Variants in RAD51B observed in about 807,000 individuals in gnomAD.
RAD51B encodes the protein DNA repair protein RAD51 homolog 2.
In RAD51B, 38 loss-of-function variants were observed where a neutral mutation model predicts 42.2. The observed-to-expected ratio is 0.90, with a 90% CI of 0.70 to 1.18. RAD51B has a LOEUF of 1.18. Ranked by LOEUF, RAD51B falls within the 50% of genes most tolerant of loss-of-function variation. The probability of loss-of-function intolerance (pLI) is 0.00; values close to 1 mark genes in which losing one functional copy is unlikely to be tolerated. For synonymous variants in RAD51B, 154 were observed against 145.2 expected, an observed-to-expected ratio of 1.06 and a Z score of -0.43; for missense variants, 373 against 400.7, an observed-to-expected ratio of 0.93 and a Z score of 0.59.
intron 5 of RAD51B, among the ~76,000 whole-genome samples, chr14:67,882,987 C>T (rs1251416360): frequency 5.3e-5 from 8 of 152,210 alleles, no homozygotes; most frequent in African/African-American, 1.7e-4. Flanking sequence ...TCAGGTGATC[C>T]GCCTGCCTTG....
intron 8 of RAD51B, among the ~76,000 whole-genome samples, chr14:68,318,019 C>T (rs1000350650): frequency 1.3e-5 from 2 of 152,350 alleles, no homozygotes; most frequent in Non-Finnish European, 2.9e-5. Context: ...ATTAATTTCA[C>T]TCTGTCTGTT....
chr14:67,963,852 C>G (rs2074716244), intron 7 of RAD51B, among the ~76,000 whole-genome samples: 1 of 150,888 alleles, frequency 6.6e-6, no homozygotes, highest in Admixed American at 6.6e-5. Context: ...TTTTGAGTGA[C>G]TTTTTCATGT....
intron 7 of RAD51B, among the ~76,000 whole-genome samples, chr14:67,942,424 A>G (rs1046204759): frequency 6.6e-6 from 1 of 152,218 alleles, no homozygotes; most frequent in Non-Finnish European, 1.5e-5. Context: ...GACTTCAGCT[A>G]GAGAGAGGTT....
intron 10 of RAD51B, among the ~76,000 whole-genome samples, chr14:68,485,086 C>G (rs1883519645): frequency 6.6e-6 from 1 of 152,170 alleles, no homozygotes. Flanking sequence ...ACATAGCTGC[C>G]CAAGCAGCAG....
intron 7 of RAD51B, among the ~76,000 whole-genome samples, chr14:67,995,581 T>C (rs1002964286): frequency 6.6e-6 from 1 of 152,044 alleles, no homozygotes. Context: ...CTGAATACTA[T>C]TGGAGACCAA....
intron 7 of RAD51B, among the ~76,000 whole-genome samples, chr14:68,098,404 A>G (rs1019266326): frequency 1.3e-5 from 2 of 152,230 alleles, no homozygotes; most frequent in Non-Finnish European, 2.9e-5. Context: ...GGGTAGCATT[A>G]TGTGTATATT....
intron 10 of RAD51B, among the ~76,000 whole-genome samples, chr14:68,590,463 G>T (rs1184985582): frequency 1.3e-5 from 2 of 152,242 alleles, no homozygotes; most frequent in Non-Finnish European, 2.9e-5. Context: ...GCAGCGTTGG[G>T]GGTTGCCTGT....
At chr14:67,938,808 G>T (rs2045052045) in intron 7 of RAD51B, among the ~76,000 whole-genome samples, 1 of 152,118 alleles carries the variant, frequency 6.6e-6, no homozygotes, top group African/African-American at 2.4e-5. Flanking sequence ...TTGAGAAAAT[G>T]GTCTCACTTG....
intron 7 of RAD51B, among the ~76,000 whole-genome samples, chr14:67,975,787 C>T (rs1348203042): frequency 6.6e-6 from 1 of 152,220 alleles, no homozygotes; most frequent in African/African-American, 2.4e-5. Flanking sequence ...AGTCTGTTTA[C>T]ACATCCTTTT....
intron 10 of RAD51B, among the ~76,000 whole-genome samples, chr14:68,630,244 GTGTT>G (rs1441678509): frequency 6.6e-6 from 1 of 152,134 alleles, no homozygotes; most frequent in Non-Finnish European, 1.5e-5. Context: ...GAAATCCTGG[GTGTT>G]TGTTTCCAGG....
intron 7 of RAD51B, among the ~76,000 whole-genome samples, chr14:68,206,413 G>A (rs1399010548): frequency 2.6e-5 from 4 of 152,100 alleles, no homozygotes; most frequent in African/African-American, 7.2e-5. Flanking sequence ...GATGATTCTT[G>A]TATAGTCCAA....
chr14:68,586,018 C>CT (rs1438430075), intron 10 of RAD51B, among the ~76,000 whole-genome samples: 2 of 152,182 alleles, frequency 1.3e-5, no homozygotes, highest in African/African-American at 2.4e-5. Flanking sequence ...GCACGTTACG[C>CT]TTTGCGTTTC....
At chr14:68,246,298 G>C (rs1020421411) in intron 7 of RAD51B, among the ~76,000 whole-genome samples, 4 of 151,428 alleles carry the variant, frequency 2.6e-5, no homozygotes, top group African/African-American at 9.7e-5. Flanking sequence ...TTATTGGAAA[G>C]CCTTGAAAAA....
At chr14:68,455,038 A>G (rs1220562714) in intron 9 of RAD51B, among the ~76,000 whole-genome samples, 1 of 149,936 alleles carries the variant, frequency 6.7e-6, no homozygotes, top group Non-Finnish European at 1.5e-5. Flanking sequence ...TTGATGGAGT[A>G]TTGAATGCAT....
At chr14:68,643,073 G>GATTTCTATTAAATTTAGTTGATT (rs1892495285) in intron 10 of RAD51B, among the ~76,000 whole-genome samples, 1 of 92,432 alleles carries the variant, frequency 1.1e-5, no homozygotes. Context: ...TGTTGTTGCC[G>GATTTCTATTAAATTTAGTTGATT]GCTGGATCTG....
chr14:68,159,963 A>G (rs1231875793), intron 7 of RAD51B, among the ~76,000 whole-genome samples: 1 of 152,140 alleles, frequency 6.6e-6, no homozygotes, highest in African/African-American at 2.4e-5. Context: ...CTGCTACCCT[A>G]TACCCACAAC....
chr14:68,157,835 T>C (rs1407780295), intron 7 of RAD51B, among the ~76,000 whole-genome samples: 1 of 152,222 alleles, frequency 6.6e-6, no homozygotes, highest in Non-Finnish European at 1.5e-5. Flanking sequence ...AGTCAGGCAT[T>C]GGGTAGCTCG....
chr14:68,015,538 A>G (rs947591432), intron 7 of RAD51B, among the ~76,000 whole-genome samples: 1 of 152,312 alleles, frequency 6.6e-6, no homozygotes, highest in Admixed American at 6.5e-5. Context: ...CATGTCTTAC[A>G]TGGCCGCAGA....
chr14:68,147,424 G>C lies in RAD51B; in HGVS notation c.757-144460G>C, dbSNP rs554665097. Among the ~76,000 whole-genome samples, 31 of 152,202 alleles carry C rather than the reference G, an allele frequency of 2.0e-4. 1 individual carries two copies. The South Asian group carries it at 6.0e-3, about 29-fold the overall frequency. On this transcript the variant is annotated intron_variant, in intron 7 of 10. Transcript: ENST00000471583. ...ACTTCTATATTCTGCTTGAAATTCTGACACATTAACCTGGCCATTTCCAAA... is the reference window on the plus strand; with the variant it reads ...ACTTCTATATTCTGCTTGAAATTCTCACACATTAACCTGGCCATTTCCAAA...
Sources: allele counts gnomAD v4.1 joint callset (sites outside exome capture counted in the v4.1 genomes callset), GRCh38; gene constraint gnomAD v4.1.1; transcripts MANE v1.5; gene names NCBI Gene and HGNC (gene_info 2026-07-23, HGNC 2026-07-21).